SDC1: variants seen among roughly 807,000 people sequenced by gnomAD.
The protein encoded by SDC1 is syndecan 1, also known as syndecan-1.
Under a neutral mutation model 29.7 loss-of-function variants are expected in SDC1, and 14 were observed. That is an observed-to-expected ratio of 0.47 (90% CI 0.31 to 0.74). The LOEUF is 0.74. Among genes scored for constraint, SDC1 ranks in the 30% least tolerant of loss-of-function variants. The pLI, the probability that SDC1 is intolerant of heterozygous loss-of-function variation, is 0.05. For synonymous variants in SDC1, 204 were observed against 175.5 expected, an observed-to-expected ratio of 1.16 and a Z score of -1.29; for missense variants, 406 against 400.3, an observed-to-expected ratio of 1.01 and a Z score of -0.12.
intron 1 of SDC1, among the ~76,000 whole-genome samples, chr2:20,212,547 T>TC (rs1233415401): frequency 3.3e-5 from 5 of 152,026 alleles, no homozygotes; most frequent in African/African-American, 9.6e-5. Context: ...AGACCCGAAA[T>TC]CCCCCACTGA....
chr2:20,204,659 G>GA (rs960420329), intron 2 of SDC1, among the ~76,000 whole-genome samples: 1 of 151,912 alleles, frequency 6.6e-6, no homozygotes, highest in African/African-American at 2.4e-5. Context: ...CACCCTCCCT[G>GA]AAAAAAAGGC....
At chr2:20,222,779 G>A (rs367928201) in intron 1 of SDC1, among the ~76,000 whole-genome samples, 6 of 152,206 alleles carry the variant, frequency 3.9e-5, no homozygotes, top group African/African-American at 1.4e-4. Flanking sequence ...GCATTAACGG[G>A]TGCGGTGGGA....
chr2:20,202,744 G>T lies in SDC1; in HGVS notation c.*22C>A, dbSNP rs1419498417. ...TGGGGGCCTAGTGAGTGGCAGGGCG[G>T]AGGGGGCGCATGGCTCCCGCGTCAG... On this transcript the variant is annotated 3_prime_UTR_variant, in exon 5 of 5. Coordinates refer to ENST00000254351, the MANE Select transcript of SDC1 (RefSeq NM_002997.5). 5.7e-6 allele frequency: 9 copies of T among 1,574,252 alleles called. 1 individual carries two copies. In the South Asian group the frequency reaches 1.1e-4, roughly 19 times the overall value.
intron 1 of SDC1, 147 bp from the exon 2 acceptor site, chr2:20,205,571 C>G (rs569046086): frequency 6.2e-6 from 4 of 648,346 alleles, no homozygotes; most frequent in Non-Finnish European, 1.1e-5. Context: ...GCTCCAGGAC[C>G]CTCAGCTCTG....
In SDC1 at chr2:20,224,502, C is replaced by T. The variant is rs1677929034; in HGVS notation, c.66+300G>A. Among the ~76,000 whole-genome samples the T allele has an allele frequency of 6.6e-6, 1 of 151,590 alleles. No homozygotes were observed. Among genetic ancestry groups the T allele is most frequent in the Admixed American group, 6.6e-5 (1 of 15,240 alleles). On this transcript the variant is annotated intron_variant, in intron 1 of 4. Coordinates refer to ENST00000254351, the MANE Select transcript of SDC1 (RefSeq NM_002997.5). This position sits in a 1 kb window ranked among gnomAD's most constrained non-coding sequence, Gnocchi z 4.9. ...GGCGAGGAGGGTGGGAACGGGCGAC[C>T]CCGGGCGCCGCTGTGGGCTGGCGGG...
rs1482363222 is a variant in SDC1 at position 20,201,624 on chromosome 2, G to A, written c.*1142C>T. 1 of 152,662 alleles carries A rather than the reference G, an allele frequency of 6.6e-6. No homozygotes were observed. Among genetic ancestry groups the A allele is most frequent in the Admixed American group, 6.5e-5 (1 of 15,288 alleles). 9.5% of individuals were successfully genotyped at this position (152,662 alleles called of 1,614,324 possible). A position where few individuals can be genotyped will look rare whatever the true frequency, so the allele number is the denominator to read the frequency against. On this transcript the variant is annotated 3_prime_UTR_variant, in exon 5 of 5. Coordinates refer to ENST00000254351, the MANE Select transcript of SDC1 (RefSeq NM_002997.5). ...GAAAATATTCCTGATTCCAGCCCAG[G>A]GCCCAGGGTGGGGCCACAGGAGCTA...
Position 20,203,123 on chromosome 2 carries a change from AGGCCCCCGT to A in SDC1, c.718_726del (p.Thr240_Ala242del). The A allele has an allele frequency of 6.2e-7, 1 of 1,611,932 alleles. No homozygotes were observed. The highest frequency in any genetic ancestry group is 8.5e-7 in the Non-Finnish European group (1 of 1,178,588). On this transcript the variant is annotated inframe_deletion, in exon 4 of 5. Transcript: ENST00000254351. The stretch of plus-strand genomic sequence containing the variant: ...TCTTTCCTGTCCAGGAGGCCCTGTG[AGGCCCCCGT>A]GGCCCCCTGATCCACTGGGGACTGG...
In SDC1 at chr2:20,224,576, C is replaced by A. The variant is rs1453850937; in HGVS notation, c.66+226G>T. Among the ~76,000 whole-genome samples the A allele has an allele frequency of 6.6e-6, 1 of 151,798 alleles. No individual in the cohort carries two copies. The highest frequency in any genetic ancestry group is 1.5e-5 in the Non-Finnish European group (1 of 67,892). On this transcript the variant is annotated intron_variant, in intron 1 of 4. Coordinates refer to ENST00000254351, the MANE Select transcript of SDC1 (RefSeq NM_002997.5). This position sits in a 1 kb window ranked among gnomAD's most constrained non-coding sequence, Gnocchi z 4.9. ...TACATAATTGAGCGCGGGGCCCCGG[C>A]CCCCCACCCTCCCCAGCGCGGGACC...
Position 20,224,203 on chromosome 2 carries a change from A to G in SDC1, c.66+599T>C, listed in dbSNP as rs1449861942. 4.7e-6 allele frequency: 2 copies of G among 422,732 alleles called. No individual in the cohort carries two copies. The highest frequency in any genetic ancestry group is 2.5e-5 in the Admixed American group (1 of 40,294). 26.2% of individuals were successfully genotyped at this position (422,732 alleles called of 1,614,324 possible). On this transcript the variant is annotated intron_variant, in intron 1 of 4. Transcript: ENST00000254351. The surrounding 1 kb of genome is among the most constrained non-coding windows in gnomAD (Gnocchi z 4.9). ...CGGCTCAGCTCACCTCGAGCCGCCC[A>G]CGGCAAGCCCGAGGGCCCTGCAGAC...
At chr2:20,225,381 C>G, upstream of SDC1, 1 of 152,330 alleles carries the variant, frequency 6.6e-6, no homozygotes, top group East Asian at 1.9e-4. Context: ...CGAGGCGCAC[C>G]CCCTTCTGCC....
rs769388247 is a variant in SDC1 at position 20,202,281 on chromosome 2, C to T, written c.*485G>A. ...AAACAAGTCGATATCTAGATTAGAC[C>T]TCCCCACGAAACAAAGTGGACTCCT... On this transcript the variant is annotated 3_prime_UTR_variant, in exon 5 of 5. Coordinates refer to ENST00000254351, the MANE Select transcript of SDC1 (RefSeq NM_002997.5). 14 of 778,996 alleles carry T rather than the reference C, an allele frequency of 1.8e-5. No homozygotes were observed. Among genetic ancestry groups the T allele is most frequent in the Middle Eastern group, 2.2e-4 (1 of 4,464 alleles). The allele number at this position is 778,996 out of a possible 1,614,324, so 48.3% of individuals were successfully genotyped here. A position where few individuals can be genotyped will look rare whatever the true frequency, so the allele number is the denominator to read the frequency against.
chr2:20,218,173 A>G (rs921819126), intron 1 of SDC1, among the ~76,000 whole-genome samples: 1 of 152,222 alleles, frequency 6.6e-6, no homozygotes, highest in Admixed American at 6.5e-5. Context: ...TTGGCAGAGG[A>G]GGAAACTGAG....
chr2:20,207,298 C>G, intron 1 of SDC1: 1 of 415,910 alleles, frequency 2.4e-6, no homozygotes, highest in Middle Eastern at 1.3e-3. Context: ...TATCTTCCTT[C>G]CCCCAAGAGA....
chr2:20,204,467 A>G (rs1677184535), intron 2 of SDC1, among the ~76,000 whole-genome samples, 176 bp from the exon 3 acceptor site: 2 of 152,066 alleles, frequency 1.3e-5, no homozygotes, highest in African/African-American at 4.8e-5. Flanking sequence ...GAAAATGGAC[A>G]AGGAGAGCTG....
In SDC1 at chr2:20,204,096, G is replaced by A; in HGVS notation, c.344C>T (p.Thr115Ile). ...GGGGGTGGCCTCCTGCTCCCGGGCGGTGAGGCCAGGCTCCACTTCTGGCAG... is the reference window on the plus strand; with the variant it reads ...GGGGGTGGCCTCCTGCTCCCGGGCGATGAGGCCAGGCTCCACTTCTGGCAG... ...VVLPEVEPGL[T>I]AREQEATPRP... The change falls in exon 3 of 5, where the codon ACC (threonine) becomes ATC (isoleucine). Residue 115 changes from threonine (T) to isoleucine (I), a missense_variant. Physicochemically the swap from Thr to Ile is moderately conservative, Grantham distance 89. Transcript: ENST00000254351. The A allele has an allele frequency of 6.2e-7, 1 of 1,608,998 alleles. No homozygotes were observed. Among genetic ancestry groups the A allele is most frequent in the East Asian group, 2.2e-5 (1 of 44,858 alleles).
chr2:20,212,393 C>T (rs1677491700), intron 1 of SDC1, among the ~76,000 whole-genome samples: 1 of 152,056 alleles, frequency 6.6e-6, no homozygotes, highest in Non-Finnish European at 1.5e-5. Flanking sequence ...GGCCAGGAGA[C>T]ACTGGGCTCC....
chr2:20,210,069 C>T (rs772457781), intron 1 of SDC1, among the ~76,000 whole-genome samples: 40 of 152,232 alleles, frequency 2.6e-4, no homozygotes, highest in Non-Finnish European at 4.3e-4. Context: ...CTACTAGGCG[C>T]GGTGGCTCCC....
chr2:20,219,447 T>C (rs1677742367), intron 1 of SDC1, among the ~76,000 whole-genome samples: 1 of 152,228 alleles, frequency 6.6e-6, no homozygotes, highest in Non-Finnish European at 1.5e-5. Context: ...AGACAGTTGC[T>C]GAAGTAGCCC....
intron 1 of SDC1, among the ~76,000 whole-genome samples, chr2:20,223,548 G>A (rs1185108827): frequency 2.0e-5 from 3 of 152,204 alleles, no homozygotes; most frequent in African/African-American, 7.2e-5. Context: ...TGCATCCCTG[G>A]GGATGGCCGA....
Sources: allele counts gnomAD v4.1 joint callset (sites outside exome capture counted in the v4.1 genomes callset), GRCh38; gene constraint gnomAD v4.1.1; non-coding constraint Gnocchi (gnomAD v3.1); transcripts MANE v1.5; gene names NCBI Gene and HGNC (gene_info 2026-07-23, HGNC 2026-07-21).